The following IQSEC1 variants were observed in gnomAD, a reference collection of about 807,000 sequenced individuals.
IQSEC1 encodes the protein IQ motif and Sec7 domain ArfGEF 1.
A neutral mutation model predicts 91.0 loss-of-function variants in IQSEC1; 31 were observed. The ratio of observed to expected loss-of-function variants is 0.34; its 90% confidence interval spans 0.26 to 0.46. The LOEUF (loss-of-function observed/expected upper bound fraction) is 0.46. IQSEC1 is among the 20% of genes least tolerant of loss of function. IQSEC1 has a pLI of 1.00. For missense variants in IQSEC1, 1,388 were observed against 1,575.6 expected (o/e 0.88, Z 2.02); for synonymous variants, 699 against 662.6 (o/e 1.05, Z -0.84).
intron 1 of IQSEC1, among the ~76,000 whole-genome samples, chr3:13,168,450 A>C (rs537738419): frequency 3.8e-4 from 58 of 152,218 alleles, no homozygotes; most frequent in Non-Finnish European, 6.8e-4. Flanking sequence ...GATCATAAGC[A>C]CATCTCAGGG....
chr3:13,223,391 G>T (rs569869193), intron 1 of IQSEC1, among the ~76,000 whole-genome samples: 39 of 152,318 alleles, frequency 2.6e-4, no homozygotes, highest in African/African-American at 9.1e-4. Context: ...AGAGATAGGA[G>T]CGCGCCACCT....
At chr3:13,243,871 C>G (rs17037956) in intron 1 of IQSEC1, among the ~76,000 whole-genome samples, 1 of 152,220 alleles carries the variant, frequency 6.6e-6, no homozygotes, top group African/African-American at 2.4e-5. Flanking sequence ...CTTCGCTGTG[C>G]GACTCCTGGC....
rs1695345905 is a variant in IQSEC1 at position 13,259,531 on chromosome 3, T to A, written c.272+23180A>T. ...TCCGAATCAGGGAAATACAGCCGAC[T>A]CCCCAAGGCCTTCGAGGCGGGCTGA... On this transcript the variant is annotated intron_variant, in intron 1 of 15. Coordinates refer to the IQSEC1 transcript ENST00000648114. This position sits in a 1 kb window ranked among gnomAD's most constrained non-coding sequence, Gnocchi z 4.6. 6.6e-6 allele frequency among the ~76,000 whole-genome samples: 1 copy of A among 152,172 alleles called. No homozygotes were observed. Among genetic ancestry groups the A allele is most frequent in the African/African-American group, 2.4e-5 (1 of 41,414 alleles).
intron 2 of IQSEC1, among the ~76,000 whole-genome samples, chr3:13,135,379 A>C (rs1399838887): frequency 6.6e-6 from 1 of 152,238 alleles, no homozygotes; most frequent in African/African-American, 2.4e-5. Flanking sequence ...GGACTAGGCA[A>C]GATGCCAGAA....
At chr3:13,252,974 C>T (rs778476177) in intron 1 of IQSEC1, among the ~76,000 whole-genome samples, 13 of 152,242 alleles carry the variant, frequency 8.5e-5, no homozygotes, top group South Asian at 6.2e-4. Context: ...CCTCGTGATC[C>T]GCCCGCCTCG....
intron 1 of IQSEC1, among the ~76,000 whole-genome samples, chr3:13,273,536 C>G (rs529251670): frequency 6.6e-6 from 1 of 152,356 alleles, no homozygotes; most frequent in South Asian, 2.1e-4. Context: ...TCCTTCCCAT[C>G]TGAACTGGCG....
intron 2 of IQSEC1, among the ~76,000 whole-genome samples, chr3:13,122,552 C>T (rs1009575283): frequency 6.6e-6 from 1 of 152,158 alleles, no homozygotes; most frequent in Non-Finnish European, 1.5e-5. Flanking sequence ...GCTTGCTAAA[C>T]TCCACCCCAG....
At chr3:13,040,919 C>G (rs1403126445) in intron 1 of IQSEC1, among the ~76,000 whole-genome samples, 2 of 152,168 alleles carry the variant, frequency 1.3e-5, no homozygotes, top group Non-Finnish European at 2.9e-5. Flanking sequence ...GGAGCAGGGT[C>G]TGTCCCTCAT....
At chr3:13,217,773 A>G (rs144517126) in intron 1 of IQSEC1, among the ~76,000 whole-genome samples, 5 of 152,378 alleles carry the variant, frequency 3.3e-5, no homozygotes, top group South Asian at 2.1e-4. Context: ...AATGTAAAAT[A>G]CTATCATTAC....
intron 1 of IQSEC1, among the ~76,000 whole-genome samples, chr3:12,957,696 AGGG>A (rs1359460768): frequency 1.3e-5 from 2 of 152,214 alleles, no homozygotes; most frequent in African/African-American, 4.8e-5. Flanking sequence ...CCTGCCAGCC[AGGG>A]CCTGTGGTGG....
At chr3:13,035,627 G>T (rs1704007355) in intron 1 of IQSEC1, among the ~76,000 whole-genome samples, 1 of 152,180 alleles carries the variant, frequency 6.6e-6, no homozygotes, top group African/African-American at 2.4e-5. Context: ...GCGGAGAAGT[G>T]ATTTGCTATT....
intron 13 of IQSEC1, among the ~76,000 whole-genome samples, chr3:12,902,231 T>C (rs889041706): frequency 6.6e-6 from 1 of 152,110 alleles, no homozygotes; most frequent in African/African-American, 2.4e-5. Context: ...ACTGAATCTC[T>C]TTCTCTCAAG....
At chr3:13,035,180 A>G (rs1703989860) in intron 1 of IQSEC1, among the ~76,000 whole-genome samples, 1 of 152,180 alleles carries the variant, frequency 6.6e-6, no homozygotes, top group Admixed American at 6.5e-5. Flanking sequence ...GGGGGTACAG[A>G]GTAGGCGCCC....
intron 2 of IQSEC1, among the ~76,000 whole-genome samples, chr3:13,109,114 T>A (rs1706199356): frequency 6.6e-6 from 1 of 152,102 alleles, no homozygotes; most frequent in Non-Finnish European, 1.5e-5. Flanking sequence ...AGAATGACTC[T>A]CACTGGGGAA....
chr3:13,095,855 C>G (rs1460713889), intron 2 of IQSEC1, among the ~76,000 whole-genome samples: 1 of 152,218 alleles, frequency 6.6e-6, no homozygotes, highest in African/African-American at 2.4e-5. Flanking sequence ...GGAGAGAGGC[C>G]TGGGAAGGAT....
chr3:13,281,606 T>C (rs922112101), intron 1 of IQSEC1, among the ~76,000 whole-genome samples: 1 of 152,148 alleles, frequency 6.6e-6, no homozygotes, highest in Admixed American at 6.5e-5. Context: ...CCACAGTCGC[T>C]GCAGCCCCCC....
intron 1 of IQSEC1, among the ~76,000 whole-genome samples, chr3:13,070,294 T>G (rs1705372315): frequency 6.6e-6 from 1 of 152,230 alleles, no homozygotes; most frequent in African/African-American, 2.4e-5. Flanking sequence ...CTCAGTTTCC[T>G]CTTCTGTAAA....
chr3:12,939,319 T>C (rs1314757031), intron 2 of IQSEC1, among the ~76,000 whole-genome samples: 1 of 152,200 alleles, frequency 6.6e-6, no homozygotes, highest in Non-Finnish European at 1.5e-5. Context: ...CCCGGAAGAA[T>C]GCCCTTCAGC....
At chr3:12,906,195 C>T (rs11128626) in intron 12 of IQSEC1, among the ~76,000 whole-genome samples, 7,860 of 152,258 alleles carry the variant, frequency 0.052, 628 homozygotes, top group African/African-American at 0.17. Context: ...GGTCTCCTGC[C>T]CCAGGAGCAG....
Sources: gnomAD v4.1 joint callset for allele counts (sites outside exome capture counted in the v4.1 genomes callset) on GRCh38, gnomAD v4.1.1 for gene constraint, Gnocchi (gnomAD v3.1) non-coding constraint, MANE v1.5 for transcripts, NCBI Gene and HGNC (gene_info 2026-07-23, HGNC 2026-07-21) for gene names.